The following RARB variants were observed in gnomAD, a reference collection of about 807,000 sequenced individuals.
RARB encodes retinoic acid receptor beta.
In RARB, 17 loss-of-function variants were observed where a neutral mutation model predicts 51.9. That is an observed-to-expected ratio of 0.33 (90% CI 0.22 to 0.49). The LOEUF is 0.49. Among genes scored for constraint, RARB ranks in the 20% least tolerant of loss-of-function variants. The pLI, the probability that RARB is intolerant of heterozygous loss-of-function variation, is 0.99. For missense variants in RARB, 369 were observed against 550.8 expected, an observed-to-expected ratio of 0.67 and a Z score of 3.30; for synonymous variants, 215 against 195.4, an observed-to-expected ratio of 1.10 and a Z score of -0.84.
chr3:25,493,870 A>G (rs1696872217), intron 2 of RARB, among the ~76,000 whole-genome samples: 1 of 152,208 alleles, frequency 6.6e-6, no homozygotes, highest in Non-Finnish European at 1.5e-5. Flanking sequence ...CCTGATATCA[A>G]TGGCTCTAAG....
At chr3:24,906,718 G>T (rs1398092326) in intron 2 of RARB, among the ~76,000 whole-genome samples, 1 of 151,674 alleles carries the variant, frequency 6.6e-6, no homozygotes, top group Non-Finnish European at 1.5e-5. Context: ...GGTGGCGGGT[G>T]CCTGCAATCC....
At chr3:25,549,067 G>C (rs1026814809) in intron 3 of RARB, among the ~76,000 whole-genome samples, 4 of 151,746 alleles carry the variant, frequency 2.6e-5, no homozygotes, top group Non-Finnish European at 5.9e-5. Flanking sequence ...GAATTCCTTT[G>C]TTATGGCTTA....
chr3:24,858,978 G>A (rs1318887382), intron 2 of RARB, among the ~76,000 whole-genome samples: 5 of 148,864 alleles, frequency 3.4e-5, no homozygotes, highest in Non-Finnish European at 5.9e-5. Flanking sequence ...TGGAGGTTGC[G>A]GTGAGCTGAG....
chr3:25,212,790 C>T (rs2125379340), intron 5 of RARB, among the ~76,000 whole-genome samples: 1 of 152,172 alleles, frequency 6.6e-6, no homozygotes, highest in African/African-American at 2.4e-5. Context: ...ATATTACAAA[C>T]CTATGATTGT....
intron 1 of RARB, among the ~76,000 whole-genome samples, chr3:25,449,085 C>T (rs1709076018): frequency 6.6e-6 from 1 of 152,052 alleles, no homozygotes; most frequent in South Asian, 2.1e-4. Flanking sequence ...TGCGTAGGGG[C>T]TGGGGGCTCA....
At chr3:25,464,986 T>C (rs1411326379) in intron 2 of RARB, among the ~76,000 whole-genome samples, 1 of 152,192 alleles carries the variant, frequency 6.6e-6, no homozygotes, top group Non-Finnish European at 1.5e-5. Flanking sequence ...TACAGTTTTT[T>C]TCGATTATAA....
At chr3:25,476,303 G>T (rs1695938871) in intron 2 of RARB, among the ~76,000 whole-genome samples, 1 of 152,154 alleles carries the variant, frequency 6.6e-6, no homozygotes, top group South Asian at 2.1e-4. Flanking sequence ...TAACCATGTG[G>T]TTCTCAGTGT....
intron 3 of RARB, among the ~76,000 whole-genome samples, chr3:25,554,156 G>A (rs1699955986): frequency 6.6e-6 from 1 of 150,718 alleles, no homozygotes; most frequent in Non-Finnish European, 1.5e-5. Flanking sequence ...AAGTATCTGT[G>A]CGTGGAGGTG....
chr3:25,527,404 A>G (rs951396494), intron 3 of RARB, among the ~76,000 whole-genome samples: 4 of 152,240 alleles, frequency 2.6e-5, no homozygotes, highest in Admixed American at 2.6e-4. Context: ...AGAAACACCA[A>G]AAATGGTAGT....
At chr3:25,553,564 A>C (rs2125670709) in intron 3 of RARB, among the ~76,000 whole-genome samples, 1 of 152,318 alleles carries the variant, frequency 6.6e-6, no homozygotes, top group East Asian at 1.9e-4. Flanking sequence ...AGTCATCTGA[A>C]GTGTTGCTTC....
At chr3:25,303,654 G>A (rs1487795144) in intron 5 of RARB, among the ~76,000 whole-genome samples, 1 of 152,140 alleles carries the variant, frequency 6.6e-6, no homozygotes, top group Non-Finnish European at 1.5e-5. Context: ...CTGTTCATCA[G>A]CTCTCTTCCC....
intron 4 of RARB, among the ~76,000 whole-genome samples, chr3:25,147,225 A>G (rs944986341): frequency 6.6e-6 from 1 of 152,152 alleles, no homozygotes; most frequent in African/African-American, 2.4e-5. Flanking sequence ...CTAGGTGATT[A>G]TCTTCAGGTG....
chr3:25,212,429 C>T (rs898407186), intron 5 of RARB, among the ~76,000 whole-genome samples: 5 of 152,140 alleles, frequency 3.3e-5, no homozygotes, highest in Admixed American at 6.5e-5. Context: ...ACCAGCCTGG[C>T]CAACACAGTG....
At chr3:25,509,209 T>G (rs1697763079) in intron 3 of RARB, among the ~76,000 whole-genome samples, 1 of 152,222 alleles carries the variant, frequency 6.6e-6, no homozygotes, top group South Asian at 2.1e-4. Context: ...GGCAAAATTT[T>G]GCTTCACGTG....
intron 5 of RARB, among the ~76,000 whole-genome samples, chr3:25,235,124 C>T (rs1702273076): frequency 6.6e-6 from 1 of 152,160 alleles, no homozygotes; most frequent in South Asian, 2.1e-4. Context: ...CTAAGCTTAT[C>T]CTCAGTAAAC....
chr3:25,338,019 C>G (rs891569654), intron 5 of RARB, among the ~76,000 whole-genome samples: 1 of 151,256 alleles, frequency 6.6e-6, no homozygotes, highest in African/African-American at 2.4e-5. Context: ...ATATCTTTCA[C>G]TGAACCACAG....
intron 2 of RARB, among the ~76,000 whole-genome samples, chr3:24,979,334 G>A (rs1482857534): frequency 1.3e-5 from 2 of 150,968 alleles, no homozygotes; most frequent in African/African-American, 4.8e-5. Flanking sequence ...ACAGTTGTGT[G>A]TGTGTTAAAG....
At chr3:25,139,848 C>CTTAAAG (rs1700082618) in intron 4 of RARB, among the ~76,000 whole-genome samples, 1 of 152,132 alleles carries the variant, frequency 6.6e-6, no homozygotes, top group African/African-American at 2.4e-5. Flanking sequence ...TAAGCCAATG[C>CTTAAAG]TCATTGATCA....
chr3:24,919,320 C>T (rs934322052), intron 2 of RARB, among the ~76,000 whole-genome samples: 19 of 152,168 alleles, frequency 1.2e-4, no homozygotes, highest in African/African-American at 4.1e-4. Context: ...TGCCTCTTTA[C>T]GTATGTGAAG....
Sources: allele counts gnomAD v4.1 joint callset (sites outside exome capture counted in the v4.1 genomes callset), GRCh38; gene constraint gnomAD v4.1.1; transcripts MANE v1.5; gene names NCBI Gene and HGNC (gene_info 2026-07-23, HGNC 2026-07-21).